Variants in KCTD1 observed in about 807,000 individuals in gnomAD.
KCTD1 encodes the protein potassium channel tetramerization domain containing 1, also known as BTB/POZ domain-containing protein KCTD1.
A neutral mutation model predicts 66.0 loss-of-function variants in KCTD1; 24 were observed. The observed-to-expected ratio is 0.36, with a 90% confidence interval of 0.26 to 0.51. The LOEUF (loss-of-function observed/expected upper bound fraction) is 0.51. Ranked by LOEUF, KCTD1 falls within the 20% of genes least tolerant of loss-of-function variation. KCTD1 has a pLI of 0.95. For synonymous variants in KCTD1, 511 were observed against 517.2 expected, an observed-to-expected ratio of 0.99 and a Z score of 0.16; for missense variants, 943 against 1,205.2, an observed-to-expected ratio of 0.78 and a Z score of 3.22.
chr18:26,475,223 CT>C (rs1191945049), intron 3 of KCTD1, among the ~76,000 whole-genome samples: 27 of 152,108 alleles, frequency 1.8e-4, no homozygotes, highest in Admixed American at 7.2e-4. Context: ...ACCAGAAATA[CT>C]TTTTTTTAGC....
chr18:26,600,188 C>T, intron 1 of KCTD1: 1 of 1,600,848 alleles, frequency 6.2e-7, no homozygotes, highest in Non-Finnish European at 8.5e-7. Flanking sequence ...AAAGAGAAGT[C>T]AAGGGAACAG....
chr18:26,489,921 A>T (rs1216888328), intron 2 of KCTD1, among the ~76,000 whole-genome samples: 1 of 152,218 alleles, frequency 6.6e-6, no homozygotes, highest in Non-Finnish European at 1.5e-5. Flanking sequence ...CAAACGAGTA[A>T]ATCAATCACA....
intron 3 of KCTD1, among the ~76,000 whole-genome samples, chr18:26,465,296 C>CT (rs1198491043): frequency 1.5e-4 from 23 of 152,116 alleles, no homozygotes; most frequent in Admixed American, 9.2e-4. Flanking sequence ...GTTGGCCAGG[C>CT]TGGTCTTGAA....
At chr18:26,637,875 T>C (rs1987756393) in intron 1 of KCTD1, among the ~76,000 whole-genome samples, 1 of 152,192 alleles carries the variant, frequency 6.6e-6, no homozygotes, top group African/African-American at 2.4e-5. Flanking sequence ...TCAAAGGTTG[T>C]TGTGAGAATT....
At position 26,539,541 on chromosome 18, in the gene KCTD1, G is replaced by A. The variant is rs531739220; in HGVS notation, c.1809+7187C>T. On this transcript the variant is annotated intron_variant, in intron 1 of 4. Coordinates refer to ENST00000580059, the MANE Select transcript of KCTD1 (RefSeq NM_001142730.3). Reference sequence around the variant, plus strand: ...GATTATATTCTACTCCATAGCTACAGAACCAGTTAGAGATTGTGACAGTTT... The same window carrying A: ...GATTATATTCTACTCCATAGCTACAAAACCAGTTAGAGATTGTGACAGTTT... Among the ~76,000 whole-genome samples, 8 of 152,268 alleles carry A rather than the reference G, an allele frequency of 5.3e-5. No individual in the cohort carries two copies. The South Asian group carries it at 1.7e-3, about 32-fold the overall frequency.
intron 1 of KCTD1, among the ~76,000 whole-genome samples, chr18:26,560,178 A>C (rs1013698996): frequency 6.6e-6 from 1 of 151,652 alleles, no homozygotes; most frequent in South Asian, 2.1e-4. Flanking sequence ...AAAATGTGGC[A>C]ATTTTTTTAA....
chr18:26,656,971 G>T (rs1272337320), intron 1 of KCTD1, among the ~76,000 whole-genome samples: 1 of 149,648 alleles, frequency 6.7e-6, no homozygotes, highest in Non-Finnish European at 1.5e-5. Flanking sequence ...AGCGGCGGGC[G>T]GGCGGCTCTG....
chr18:26,557,329 C>T (rs900652661), intron 1 of KCTD1, among the ~76,000 whole-genome samples: 1 of 152,214 alleles, frequency 6.6e-6, no homozygotes, highest in African/African-American at 2.4e-5. Flanking sequence ...GCTGTGGCTA[C>T]TGTTCCCAGT....
intron 2 of KCTD1, among the ~76,000 whole-genome samples, chr18:26,495,648 A>G (rs1982434174): frequency 1.3e-5 from 2 of 151,940 alleles, no homozygotes; most frequent in Non-Finnish European, 2.9e-5. Flanking sequence ...GTGGGAGTTA[A>G]CTCATGTACT....
Position 26,548,331 on chromosome 18 carries a change from A to C in KCTD1, c.206T>G (p.Val69Gly). 1.4e-6 allele frequency: 2 copies of C among 1,473,710 alleles called. No homozygotes were observed. The highest frequency in any genetic ancestry group is 1.8e-6 in the Non-Finnish European group (2 of 1,114,470). The allele number at this position is 1,473,710 out of a possible 1,614,324, so 91.3% of individuals were successfully genotyped here. Residue 69 changes from valine (V) to glycine (G), a missense_variant, in exon 1 of 5, where the codon GTG becomes GGG. Around this residue, in one of 10 missense-constraint regions of KCTD1, gnomAD observed 236 missense variants for 206.6 expected, o/e 1.14. Coordinates refer to ENST00000580059, the MANE Select transcript of KCTD1 (RefSeq NM_001142730.3). ...EEEEEDEIQE[V>G]QITGDEEEEE... ...CTCCTCCTCGTCCCCCGTTATCTGC[A>C]CCTCCTGGATCTCGTCCTCCTCCTC...
intron 2 of KCTD1, among the ~76,000 whole-genome samples, chr18:26,492,452 G>A (rs981377317): frequency 1.3e-5 from 2 of 151,962 alleles, no homozygotes; most frequent in Admixed American, 1.3e-4. Flanking sequence ...TGGGCAACAT[G>A]GTGAAACCCC....
rs548750071 is a variant in KCTD1, at chr18:26,611,341, T to C, written c.-16+17806A>G. Among the ~76,000 whole-genome samples the C allele has an allele frequency of 7.3e-3, 904 of 123,372 alleles. 6 individuals are homozygous for C. The highest frequency in any genetic ancestry group is 0.013 in the South Asian group (54 of 4,120). 80.9% of individuals were successfully genotyped at this position (123,372 alleles called of 152,430 possible). Reference sequence around the variant, plus strand: ...AATTATAGTAACTGGGTTTTGTTTGTTTGTTTGTTTGTTTGTTTGTTTGTT... The same window carrying C: ...AATTATAGTAACTGGGTTTTGTTTGCTTGTTTGTTTGTTTGTTTGTTTGTT... On this transcript the variant is annotated intron_variant, in intron 1 of 4. Coordinates refer to the KCTD1 transcript ENST00000317932.
rs79580161 is a variant in KCTD1 at position 26,613,698 on chromosome 18, C to A, written c.-16+15449G>T. On this transcript the variant is annotated intron_variant, in intron 1 of 4. Transcript: ENST00000317932. Reference sequence around the variant, plus strand: ...CTGTAGACTAATGGCTTTAGTATATCATTTACAAAGCAAGCATTTTTGTCC... The same window carrying A: ...CTGTAGACTAATGGCTTTAGTATATAATTTACAAAGCAAGCATTTTTGTCC... Among the ~76,000 whole-genome samples, 1,000 of 152,316 alleles carry A rather than the reference C, an allele frequency of 6.6e-3. 5 individuals carry two copies. Among genetic ancestry groups the A allele is most frequent in the South Asian group, 8.9e-3 (43 of 4,826 alleles).
At chr18:26,595,698 G>T (rs1241842789) in intron 1 of KCTD1, among the ~76,000 whole-genome samples, 1 of 152,144 alleles carries the variant, frequency 6.6e-6, no homozygotes, top group African/African-American at 2.4e-5. Context: ...CTTTTAGGTA[G>T]ACCCTCTTCT....
chr18:26,573,025 C>T (rs1986144461), intron 1 of KCTD1, among the ~76,000 whole-genome samples: 1 of 151,932 alleles, frequency 6.6e-6, no homozygotes, highest in Non-Finnish European at 1.5e-5. Context: ...TAACCACCCC[C>T]CCCTTTTTTT....
chr18:26,590,301 C>G (rs1201740054), intron 1 of KCTD1, among the ~76,000 whole-genome samples: 1 of 151,774 alleles, frequency 6.6e-6, no homozygotes, highest in Non-Finnish European at 1.5e-5. Context: ...GTTGGCCAAG[C>G]TGGTCTCAAA....
chr18:26,496,792 G>A (rs1598897193), intron 2 of KCTD1, among the ~76,000 whole-genome samples: 1 of 151,670 alleles, frequency 6.6e-6, no homozygotes. Context: ...GGTAACCTTG[G>A]TAATAAGAGA....
chr18:26,546,545 G>A (rs1216760817), intron 1 of KCTD1, among the ~76,000 whole-genome samples, 183 bp downstream of exon 1: 1 of 152,188 alleles, frequency 6.6e-6, no homozygotes, highest in East Asian at 1.9e-4. Flanking sequence ...CATCTTTTAA[G>A]GTTAGGTGTA....
Position 26,547,291 on chromosome 18 carries a change from C to T in KCTD1, c.1246G>A (p.Gly416Ser), listed in dbSNP as rs1415301078. The change falls in exon 1 of 5, where the codon GGC (glycine) becomes AGC (serine). Residue 416 changes from glycine to serine, a missense_variant. Transcript: ENST00000580059. ...TTGTTCTCGTACCAGGTCACATCGC[C>T]CTCGCTGCAGTGGTCCCGGGGCCGC... ...FQRPRDHCSE[G>S]DVTWYENKAI... 1 of 1,551,670 alleles carries T rather than the reference C, an allele frequency of 6.4e-7. No individual in the cohort carries two copies. Among genetic ancestry groups the T allele is most frequent in the South Asian group, 1.2e-5 (1 of 84,060 alleles).
Sources: allele counts gnomAD v4.1 joint callset (sites outside exome capture counted in the v4.1 genomes callset), GRCh38; gene constraint gnomAD v4.1.1; regional missense constraint gnomAD v4.1.1; transcripts MANE v1.5; gene names NCBI Gene and HGNC (gene_info 2026-07-23, HGNC 2026-07-21).